Variants in TNFRSF14 observed in about 807,000 individuals in gnomAD.
TNFRSF14 encodes TNF receptor superfamily member 14.
Under a neutral mutation model 34.1 loss-of-function variants are expected in TNFRSF14, and 18 were observed. That is an observed-to-expected ratio of 0.53 (90% CI 0.36 to 0.78). The LOEUF is 0.78. Ranked by LOEUF, TNFRSF14 falls within the 30% of genes least tolerant of loss-of-function variation. The probability of loss-of-function intolerance (pLI) is 0.00; values close to 1 mark genes in which losing one functional copy is unlikely to be tolerated. For synonymous variants in TNFRSF14, 157 were observed against 153.2 expected (o/e 1.02, Z -0.18); for missense variants, 352 against 379.5 (o/e 0.93, Z 0.60).
chr1:2,563,112 G>A, intron 7 of TNFRSF14, 36 bp from the exon 8 acceptor site: 1 of 1,610,912 alleles, frequency 6.2e-7, no homozygotes, highest in Non-Finnish European at 8.5e-7. Context: ...AGGGGGGCCT[G>A]AGCAGGCAGG....
At position 2,563,310 on chromosome 1, in the gene TNFRSF14, G is replaced by C. The variant is rs1184583490; in HGVS notation, c.*37G>C. ...TGCACCCCGACGCCAGAGATACCTG[G>C]AGCGACGGCTGCTGAAAGAGGCTGT... is the stretch of plus-strand genomic sequence containing the variant. On this transcript the variant is annotated 3_prime_UTR_variant, in exon 8 of 8. Coordinates refer to ENST00000355716, the MANE Select transcript of TNFRSF14 (RefSeq NM_003820.4). 3 of 1,605,884 alleles carry C rather than the reference G, an allele frequency of 1.9e-6. No homozygotes were observed. In the South Asian group the frequency reaches 3.3e-5, roughly 18 times the overall value.
At chr1:2,556,303 C>A, upstream of TNFRSF14, 2 of 577,954 alleles carry the variant, frequency 3.5e-6, no homozygotes, top group Non-Finnish European at 6.6e-6. Flanking sequence ...CCCCCTTCTA[C>A]AGGAAACCCG....
intron 5 of TNFRSF14, chr1:2,560,934 C>T (rs949428390): frequency 1.8e-6 from 1 of 542,120 alleles, no homozygotes; most frequent in Non-Finnish European, 3.3e-6. Flanking sequence ...CAGATCTGAG[C>T]TTCCTGGAGG....
Position 2,561,376 on chromosome 1 carries a change from GTCTC to G in TNFRSF14, c.552-295_552-292del. The G allele has an allele frequency of 1.0e-6, 1 of 987,120 alleles. No homozygotes were observed. Among genetic ancestry groups the G allele is most frequent in the Non-Finnish European group, 1.5e-6 (1 of 677,434 alleles). The allele number at this position is 987,120 out of a possible 1,614,324, so 61.1% of individuals were successfully genotyped here. A position where few individuals can be genotyped will look rare whatever the true frequency, so the allele number is the denominator to read the frequency against. On this transcript the variant is annotated intron_variant, in intron 5 of 7. Coordinates refer to ENST00000355716, the MANE Select transcript of TNFRSF14 (RefSeq NM_003820.4). The surrounding 1 kb of genome is among the most constrained non-coding windows in gnomAD (Gnocchi z 6.0). The stretch of plus-strand genomic sequence containing the variant: ...TGCCACTGGTCTCCCGTGCTCTGGG[GTCTC>G]TGCACTGCTGGCTGCCTCCCGCTTC...
At chr1:2,557,593 C>T (rs932777298) in intron 1 of TNFRSF14, 133 bp from the exon 2 acceptor site, 16 of 639,662 alleles carry the variant, frequency 2.5e-5, no homozygotes, top group African/African-American at 3.8e-5. Flanking sequence ...GCCTGGGGCC[C>T]GCTTCTGTCC....
Position 2,561,167 on chromosome 1 carries a change from A to T in TNFRSF14, c.551+453A>T, listed in dbSNP as rs1396616237. 1 of 355,092 alleles carries T rather than the reference A, an allele frequency of 2.8e-6. No individual in the cohort carries two copies. Among genetic ancestry groups the T allele is most frequent in the Non-Finnish European group, 5.1e-6 (1 of 195,634 alleles). 22.0% of individuals were successfully genotyped at this position (355,092 alleles called of 1,614,324 possible). A position where few individuals can be genotyped will look rare whatever the true frequency, so the allele number is the denominator to read the frequency against. On this transcript the variant is annotated intron_variant, in intron 5 of 7. Coordinates refer to ENST00000355716, the MANE Select transcript of TNFRSF14 (RefSeq NM_003820.4). The surrounding 1 kb of genome is among the most constrained non-coding windows in gnomAD (Gnocchi z 6.0). ...ACCTGAGACTTCAGAGCTTCTTGGGAGGAGCTGGGGTCCCCCAGCGGAGCC... is the reference window on the plus strand; with the variant it reads ...ACCTGAGACTTCAGAGCTTCTTGGGTGGAGCTGGGGTCCCCCAGCGGAGCC...
intron 2 of TNFRSF14, 101 bp downstream of exon 2, chr1:2,557,935 T>G (rs1253813387): frequency 5.0e-6 from 5 of 1,001,002 alleles, no homozygotes; most frequent in Non-Finnish European, 7.3e-6. Flanking sequence ...CCCACAGCCA[T>G]GGGTGTGATG....
rs143696469 is a variant in TNFRSF14 at position 2,559,632 on chromosome 1, C to T, written c.305-191C>T. On this transcript the variant is annotated intron_variant, in intron 3 of 7. Coordinates refer to ENST00000355716, the MANE Select transcript of TNFRSF14 (RefSeq NM_003820.4). The stretch of plus-strand genomic sequence containing the variant: ...GCCCTCGTCCCACACGCAGCTCTGC[C>T]GTCCCTTGGTGTCCCTCCCGGCCTC... The T allele has an allele frequency of 5.5e-5, 85 of 1,534,692 alleles. No homozygotes were observed. Among genetic ancestry groups the T allele is most frequent in the Middle Eastern group, 1.7e-4 (1 of 6,010 alleles).
intron 3 of TNFRSF14, 54 bp from the exon 4 acceptor site, chr1:2,559,769 G>A: frequency 1.3e-6 from 2 of 1,565,600 alleles, no homozygotes; most frequent in Non-Finnish European, 1.7e-6. Flanking sequence ...CCTGGCCCGT[G>A]GATGGTGTCC....
In TNFRSF14 at chr1:2,563,810, A is replaced by T. The variant is rs1234008149; in HGVS notation, c.*537A>T. On this transcript the variant is annotated 3_prime_UTR_variant, in exon 8 of 8. Transcript: ENST00000355716. ...GGGGAGATGCTGTGGGAGGATGTAA[A>T]TATCTTGTTTCTCCTCAAACTGTCA... 1 of 233,908 alleles carries T rather than the reference A, an allele frequency of 4.3e-6. No individual in the cohort carries two copies. Among genetic ancestry groups the T allele is most frequent in the Non-Finnish European group, 8.4e-6 (1 of 118,382 alleles). 14.5% of individuals were successfully genotyped at this position (233,908 alleles called of 1,614,324 possible).
At position 2,557,857 on chromosome 1, in the gene TNFRSF14, C is replaced by T. The variant is rs965433885; in HGVS notation, c.178+23C>T. On this transcript the variant is annotated intron_variant, in intron 2 of 7. Transcript: ENST00000355716. The stretch of plus-strand genomic sequence containing the variant: ...CAGGTAGGTGCAGCCCTTTGGCGGG[C>T]CAGCTCTGTGGGCCGAGGGCAGACA... 3 of 1,575,250 alleles carry T rather than the reference C, an allele frequency of 1.9e-6. 1 individual carries two copies. The highest frequency in any genetic ancestry group is 1.1e-5 in the South Asian group (1 of 88,134).
Position 2,563,650 on chromosome 1 carries a change from G to T in TNFRSF14, c.*377G>T, listed in dbSNP as rs763574747. The T allele has an allele frequency of 3.5e-6, 1 of 282,098 alleles. No homozygotes were observed. The highest frequency in any genetic ancestry group is 4.7e-5 in the Admixed American group (1 of 21,252). 17.5% of individuals were successfully genotyped at this position (282,098 alleles called of 1,614,324 possible). Reference sequence around the variant, plus strand: ...TTGTGGCCTCAGCAGGACAGGCCCCGGGCACTGCCTCACAGCCAAGGCTGG... The same window carrying T: ...TTGTGGCCTCAGCAGGACAGGCCCCTGGCACTGCCTCACAGCCAAGGCTGG... On this transcript the variant is annotated 3_prime_UTR_variant, in exon 8 of 8. Transcript: ENST00000355716.
At chr1:2,556,796 A>G in intron 1 of TNFRSF14, 63 bp downstream of exon 1, 1 of 1,468,294 alleles carries the variant, frequency 6.8e-7, no homozygotes, top group Non-Finnish European at 9.1e-7. Context: ...AGGGCCTCCC[A>G]CAGATCTCTT....
chr1:2,558,980 C>G, intron 3 of TNFRSF14: 2 of 1,366,648 alleles, frequency 1.5e-6, no homozygotes, highest in Non-Finnish European at 1.9e-6. Flanking sequence ...CCAGAGGTGG[C>G]CTTTGAGTCA....
Position 2,563,416 on chromosome 1 carries a change from G to A in TNFRSF14, c.*143G>A, listed in dbSNP as rs1306986872. On this transcript the variant is annotated 3_prime_UTR_variant, in exon 8 of 8. Coordinates refer to ENST00000355716, the MANE Select transcript of TNFRSF14 (RefSeq NM_003820.4). ...TTCCGTCTCCTCCAGTGGAGGGAGA[G>A]GTGGGGCCCCTGCTGGGGTAGAGCT... The A allele has an allele frequency of 4.9e-6, 7 of 1,418,198 alleles. No homozygotes were observed. The highest frequency in any genetic ancestry group is 6.6e-6 in the Non-Finnish European group (7 of 1,060,752). The allele number at this position is 1,418,198 out of a possible 1,614,324, so 87.9% of individuals were successfully genotyped here. A position where few individuals can be genotyped will look rare whatever the true frequency, so the allele number is the denominator to read the frequency against.
Position 2,563,213 on chromosome 1 carries a change from C to T in TNFRSF14, c.792C>T (p.Val264=). 1 of 1,613,520 alleles carries T rather than the reference C, an allele frequency of 6.2e-7. No individual in the cohort carries two copies. Among genetic ancestry groups the T allele is most frequent in the Non-Finnish European group, 8.5e-7 (1 of 1,180,020 alleles). The stretch of plus-strand genomic sequence containing the variant: ...AGGCCCTGCAGGCCCCTCCGGACGT[C>T]ACCACGGTGGCCGTGGAGGAGACAA... The part of the protein sequence containing the change: ...VIEALQAPPD[V]TTVAVEETIP... The change falls in exon 8 of 8, where the codon GTC becomes GTT. Residue 264 remains valine, a synonymous_variant. Transcript: ENST00000355716.
rs370534692 is a variant in TNFRSF14 at position 2,560,664 on chromosome 1, G to A, written c.501G>A (p.Pro167=). 10 of 1,613,102 alleles carry A rather than the reference G, an allele frequency of 6.2e-6. No homozygotes were observed. In the African/African-American group the frequency reaches 8.0e-5, roughly 13 times the overall value. Residue 167 remains proline, a synonymous_variant, in exon 5 of 8, where the codon CCG becomes CCA. Transcript: ENST00000355716. ...ACACCCTGTGTCAGAACTGCCCCCC[G>A]GGGACCTTCTCTCCCAATGGGACCC... ...SQDTLCQNCP[P]GTFSPNGTLE...
chr1:2,558,092 G>A (rs1366969636), intron 2 of TNFRSF14, among the ~76,000 whole-genome samples: 1 of 152,234 alleles, frequency 6.6e-6, no homozygotes, highest in African/African-American at 2.4e-5. Flanking sequence ...AGAGACATGG[G>A]CTCGGGGGCA....
At chr1:2,562,438 C>G (rs994272424) in intron 6 of TNFRSF14, 2 of 273,330 alleles carry the variant, frequency 7.3e-6, no homozygotes, top group South Asian at 4.4e-5. Flanking sequence ...GATCCTCACC[C>G]GGGGCCTCCA....
Sources: allele counts gnomAD v4.1 joint callset (sites outside exome capture counted in the v4.1 genomes callset), GRCh38; gene constraint gnomAD v4.1.1; non-coding constraint Gnocchi (gnomAD v3.1); transcripts MANE v1.5; gene names NCBI Gene and HGNC (gene_info 2026-07-23, HGNC 2026-07-21).